Variants in NMT1 observed in about 807,000 individuals in gnomAD.
NMT1 encodes N-myristoyltransferase 1, also known as glycylpeptide N-tetradecanoyltransferase 1.
A neutral mutation model predicts 63.4 loss-of-function variants in NMT1; 12 were observed. That is an observed-to-expected ratio of 0.19 (90% CI 0.12 to 0.31). The LOEUF is 0.31. Ranked by LOEUF, NMT1 falls within the 10% of genes least tolerant of loss-of-function variation. The probability of loss-of-function intolerance (pLI) is 1.00; values close to 1 mark genes in which losing one functional copy is unlikely to be tolerated. For missense variants in NMT1, 432 were observed against 634.6 expected (o/e 0.68, Z 3.43); for synonymous variants, 228 against 234.3 (o/e 0.97, Z 0.25).
Position 45,102,908 on chromosome 17 carries a change from G to T in NMT1, c.994-43G>T, listed in dbSNP as rs1449835270. 4 of 1,565,104 alleles carry T rather than the reference G, an allele frequency of 2.6e-6. No homozygotes were observed. The South Asian group carries it at 4.7e-5, about 18-fold the overall frequency. Reference sequence around the variant, plus strand: ...TGTCCTTGCCATGGATAGATCCAGGGTGATCAGCTCATCTCACTCCATCTC... The same window carrying T: ...TGTCCTTGCCATGGATAGATCCAGGTTGATCAGCTCATCTCACTCCATCTC... On this transcript the variant is annotated intron_variant, in intron 8 of 11. Transcript: ENST00000258960.
intron 1 of NMT1, among the ~76,000 whole-genome samples, chr17:45,069,721 G>C (rs544220048): frequency 6.6e-6 from 1 of 152,220 alleles, no homozygotes; most frequent in South Asian, 2.1e-4. Context: ...TCTTGAGTCT[G>C]CAGCAGTGTG....
At chr17:45,074,235 G>A (rs1465034451) in intron 1 of NMT1, among the ~76,000 whole-genome samples, 2 of 129,316 alleles carry the variant, frequency 1.5e-5, no homozygotes, top group Non-Finnish European at 3.3e-5. Context: ...TTTTTTTTGA[G>A]ACAGAGTCTC....
chr17:45,068,163 G>A (rs569357724), intron 1 of NMT1, among the ~76,000 whole-genome samples: 18 of 152,086 alleles, frequency 1.2e-4, no homozygotes, highest in Admixed American at 5.9e-4. Flanking sequence ...TATTGAGAGC[G>A]CCAAAAATAC....
At chr17:45,097,832 G>A (rs748974103) in intron 6 of NMT1, among the ~76,000 whole-genome samples, 1 of 152,140 alleles carries the variant, frequency 6.6e-6, no homozygotes, top group East Asian at 1.9e-4. Context: ...ATTTTTGAAC[G>A]CCTGTACCAG....
chr17:45,071,042 G>A (rs1367515640), intron 1 of NMT1, among the ~76,000 whole-genome samples: 4 of 152,126 alleles, frequency 2.6e-5, no homozygotes, highest in South Asian at 4.1e-4. Context: ...TTCCTTCTGG[G>A]CATCTTTGCC....
intron 2 of NMT1, 38 bp from the exon 3 acceptor site, chr17:45,086,470 T>C (rs1567867036): frequency 6.3e-7 from 1 of 1,578,472 alleles, no homozygotes; most frequent in Non-Finnish European, 8.6e-7. Flanking sequence ...CTTACTAACA[T>C]AATGGGCCTT....
rs888166470 is a variant in NMT1 at position 45,107,931 on chromosome 17, G to T, written c.*2292G>T. On this transcript the variant is annotated 3_prime_UTR_variant, in exon 12 of 12. Coordinates refer to ENST00000258960, the MANE Select transcript of NMT1 (RefSeq NM_021079.5). ...TGAGAACTCTGCCCAGGTGTGCAGG[G>T]TTTGGCTTGTGGGCTGCTTGCTGCT... 3.9e-5 allele frequency: 6 copies of T among 152,264 alleles called. No individual in the cohort carries two copies. Among genetic ancestry groups the T allele is most frequent in the African/African-American group, 1.4e-4 (6 of 41,460 alleles). The allele number at this position is 152,264 out of a possible 1,614,324, so 9.4% of individuals were successfully genotyped here.
At chr17:45,067,970 C>T (rs892283722) in intron 1 of NMT1, among the ~76,000 whole-genome samples, 4 of 152,150 alleles carry the variant, frequency 2.6e-5, no homozygotes, top group Admixed American at 6.5e-5. Flanking sequence ...GGCAGTTAAC[C>T]CTTTCCCTAT....
intron 1 of NMT1, among the ~76,000 whole-genome samples, chr17:45,078,843 G>T (rs1433015296): frequency 1.3e-5 from 2 of 151,808 alleles, no homozygotes; most frequent in African/African-American, 4.8e-5. Context: ...TTGGATTTGT[G>T]TTAGAGACGG....
chr17:45,075,558 G>C (rs2053972208), intron 1 of NMT1, among the ~76,000 whole-genome samples: 1 of 150,238 alleles, frequency 6.7e-6, no homozygotes, highest in Non-Finnish European at 1.5e-5. Flanking sequence ...AAGGCTGGCA[G>C]ATCATGAGGT....
chr17:45,092,289 G>A (rs912127952), intron 3 of NMT1, among the ~76,000 whole-genome samples: 4 of 152,162 alleles, frequency 2.6e-5, no homozygotes, highest in African/African-American at 4.8e-5. Context: ...TGCACGGTTG[G>A]TGCTCAGTAA....
intron 8 of NMT1, chr17:45,099,914 T>G (rs2054150117): frequency 6.1e-6 from 1 of 162,840 alleles, no homozygotes; most frequent in Non-Finnish European, 1.3e-5. Context: ...CCGGGTCAGG[T>G]AAAGGGTGAC....
chr17:45,077,841 T>G (rs1465898704), intron 1 of NMT1, among the ~76,000 whole-genome samples: 1 of 152,194 alleles, frequency 6.6e-6, no homozygotes, highest in Non-Finnish European at 1.5e-5. Context: ...GAAGTTATCT[T>G]TAGGCCATAA....
rs547268964 is a variant in NMT1, at chr17:45,088,556, A to G, written c.385+1904A>G. ...GATGACCTGAGGTCAGGAGTTCGAG[A>G]CCAGCCTGGCCAACATGGTAAAACC... On this transcript the variant is annotated intron_variant, in intron 3 of 11. Coordinates refer to ENST00000258960, the MANE Select transcript of NMT1 (RefSeq NM_021079.5). Among the ~76,000 whole-genome samples the G allele has an allele frequency of 1.2e-4, 18 of 152,276 alleles. No homozygotes were observed. The East Asian group carries it at 3.5e-3, about 29-fold the overall frequency.
At chr17:45,076,698 T>C (rs1329093659) in intron 1 of NMT1, among the ~76,000 whole-genome samples, 5 of 151,106 alleles carry the variant, frequency 3.3e-5, no homozygotes. Flanking sequence ...TGCAGTGAGC[T>C]GAGATCGTGC....
intron 1 of NMT1, among the ~76,000 whole-genome samples, chr17:45,071,127 A>T (rs1201234567): frequency 6.6e-6 from 1 of 152,208 alleles, no homozygotes; most frequent in Non-Finnish European, 1.5e-5. Context: ...TCAAGAGTTA[A>T]TTGATTTGCA....
chr17:45,087,445 C>T (rs1489842089), intron 3 of NMT1, among the ~76,000 whole-genome samples: 2 of 152,076 alleles, frequency 1.3e-5, no homozygotes, highest in Non-Finnish European at 2.9e-5. Flanking sequence ...CATTAGCACC[C>T]CTTAAAAAAG....
At chr17:45,090,623 C>T (rs539897168) in intron 3 of NMT1, among the ~76,000 whole-genome samples, 52 of 152,166 alleles carry the variant, frequency 3.4e-4, no homozygotes, top group Non-Finnish European at 5.6e-4. Context: ...GCATCTCAGA[C>T]ATTCTCATTT....
At chr17:45,094,133 C>T (rs564041484) in intron 4 of NMT1, among the ~76,000 whole-genome samples, 1 of 152,230 alleles carries the variant, frequency 6.6e-6, no homozygotes, top group East Asian at 1.9e-4. Flanking sequence ...GCCCTGTCCT[C>T]CCCTTTCCAC....
Sources: gnomAD v4.1 joint callset for allele counts (sites outside exome capture counted in the v4.1 genomes callset) on GRCh38, gnomAD v4.1.1 for gene constraint, MANE v1.5 for transcripts, NCBI Gene and HGNC (gene_info 2026-07-23, HGNC 2026-07-21) for gene names.